RSF1: variants seen among roughly 807,000 people sequenced by gnomAD.
RSF1 encodes the protein HBV pX-associated protein 8.
In RSF1, 13 loss-of-function variants were observed where a neutral mutation model predicts 145.2. The observed-to-expected ratio is 0.09, with a 90% CI of 0.06 to 0.14. RSF1 has a LOEUF of 0.14. RSF1 is among the 10% of genes least tolerant of loss of function. The probability of loss-of-function intolerance (pLI) is 1.00; values close to 1 mark genes in which losing one functional copy is unlikely to be tolerated. For synonymous variants in RSF1, 577 were observed against 592.6 expected, an observed-to-expected ratio of 0.97 and a Z score of 0.38; for missense variants, 1,517 against 1,718.2, an observed-to-expected ratio of 0.88 and a Z score of 2.07.
chr11:77,824,459 C>T (rs960211466), upstream of RSF1, among the ~76,000 whole-genome samples: 3 of 152,076 alleles, frequency 2.0e-5, no homozygotes, highest in South Asian at 2.1e-4. Context: ...TTAGAATTAA[C>T]GGCTAATTTA....
intron 4 of RSF1, among the ~76,000 whole-genome samples, chr11:77,735,208 C>T (rs569676647): frequency 9.2e-5 from 14 of 152,062 alleles, no homozygotes; most frequent in Admixed American, 8.5e-4. Context: ...CAGGAAACCC[C>T]GACGACTCTC....
chr11:77,691,226 C>T lies in RSF1; in HGVS notation c.2833G>A (p.Glu945Lys). The change falls in exon 9 of 16, where the codon GAA becomes AAA. Residue 945 changes from glutamate to lysine, a missense_variant. Around this residue, in one of 12 missense-constraint regions of RSF1, gnomAD observed 29 missense variants for 102.3 expected, o/e 0.28. Transcript: ENST00000308488. ...CPPCQHKLLC[E>K]KLEEQLQDLD... ...TCCTGCAACTGTTCCTCTAATTTTT[C>T]ACAGAGCAGTTTCTGAAGAAGCAAA... is the stretch of plus-strand genomic sequence containing the variant. 2 of 1,614,116 alleles carry T rather than the reference C, an allele frequency of 1.2e-6. No individual in the cohort carries two copies. The highest frequency in any genetic ancestry group is 1.7e-6 in the Non-Finnish European group (2 of 1,180,006).
chr11:77,695,942 A>G (rs1426434546), intron 7 of RSF1, among the ~76,000 whole-genome samples: 1 of 152,026 alleles, frequency 6.6e-6, no homozygotes, highest in African/African-American at 2.4e-5. Flanking sequence ...TATTTGCTCA[A>G]CCCTAGTATA....
intron 1 of RSF1, among the ~76,000 whole-genome samples, chr11:77,787,238 G>A (rs1948465993): frequency 6.6e-6 from 1 of 152,126 alleles, no homozygotes; most frequent in Non-Finnish European, 1.5e-5. Flanking sequence ...CAGCAAGAAT[G>A]GAAAAGCTCA....
chr11:77,733,250 T>C lies in RSF1; in HGVS notation c.578+7481A>G, dbSNP rs1961252941. ...GTGCTGTAAGCCATTTTCGTTTTAC[T>C]AATTCTAATGGAAGTAAGGTAATAC... is the stretch of plus-strand genomic sequence containing the variant. On this transcript the variant is annotated intron_variant, in intron 4 of 15. Transcript: ENST00000308488. 7.2e-5 allele frequency among the ~76,000 whole-genome samples: 11 copies of C among 152,214 alleles called. No homozygotes were observed. The South Asian group carries it at 2.3e-3, about 31-fold the overall frequency.
Position 77,747,147 on chromosome 11 carries a change from A to G in RSF1, c.280-19T>C. ...GGCATATCTGTCAGATAAAGTTAAT[A>G]TCTTAATACATGAAAGCAATTTTTA... is the stretch of plus-strand genomic sequence containing the variant. On this transcript the variant is annotated intron_variant, in intron 2 of 15. Transcript: ENST00000308488. The G allele has an allele frequency of 6.6e-7, 1 of 1,505,780 alleles. No homozygotes were observed. The highest frequency in any genetic ancestry group is 9.2e-7 in the Non-Finnish European group (1 of 1,084,866). 93.3% of individuals were successfully genotyped at this position (1,505,780 alleles called of 1,614,324 possible).
chr11:77,737,835 A>G (rs567690928), intron 4 of RSF1, among the ~76,000 whole-genome samples: 74 of 152,326 alleles, frequency 4.9e-4, no homozygotes, highest in Admixed American at 3.9e-4. Flanking sequence ...GGTTGTAAGA[A>G]AAGCGAATAG....
intron 1 of RSF1, among the ~76,000 whole-genome samples, chr11:77,797,513 A>G (rs1000132470): frequency 1.3e-5 from 2 of 152,200 alleles, no homozygotes; most frequent in Non-Finnish European, 2.9e-5. Flanking sequence ...AAATCAACTC[A>G]AGATGGATCA....
the RSF1 span, among the ~76,000 whole-genome samples, chr11:77,840,252 C>T: frequency 3.3e-5 from 5 of 152,080 alleles, no homozygotes; most frequent in Non-Finnish European, 2.9e-5. Context: ...TTAAAAGTAT[C>T]TTTAAGTGGC....
intron 1 of RSF1, among the ~76,000 whole-genome samples, chr11:77,786,374 TA>T (rs1488551758): frequency 2.0e-5 from 3 of 152,226 alleles, no homozygotes; most frequent in Non-Finnish European, 2.9e-5. Context: ...CCAATTTTGG[TA>T]AATAAATGTA....
upstream of RSF1, among the ~76,000 whole-genome samples, chr11:77,822,414 CAAA>C (rs66463325): frequency 6.7e-5 from 5 of 74,782 alleles, no homozygotes; most frequent in African/African-American, 9.9e-5. Context: ...GACTCCACCT[CAAA>C]AAAAAAAAAA....
At chr11:77,677,053 C>T in intron 12 of RSF1, 54 bp from the exon 13 acceptor site, 1 of 1,368,484 alleles carries the variant, frequency 7.3e-7, no homozygotes, top group Non-Finnish European at 1.0e-6. Context: ...TTATTAAAAG[C>T]TTCCCTTTAA....
intron 6 of RSF1, 94 bp from the exon 7 acceptor site, chr11:77,698,787 C>T (rs10899399): frequency 0.22 from 228,925 of 1,018,418 alleles, 26,288 homozygotes; most frequent in Middle Eastern, 0.25. Context: ...AATATTCAGC[C>T]AATATACCAA....
chr11:77,728,541 G>C (rs1352825605), intron 4 of RSF1, among the ~76,000 whole-genome samples: 1 of 150,156 alleles, frequency 6.7e-6, no homozygotes, highest in Non-Finnish European at 1.5e-5. Context: ...AAAGGGGAAA[G>C]GGAAGAGGAA....
intron 2 of RSF1, chr11:77,763,370 C>G (rs1033342552): frequency 6.6e-6 from 1 of 151,148 alleles, no homozygotes; most frequent in Admixed American, 6.6e-5. Flanking sequence ...TTAAAAGAAG[C>G]CTTCAAGAAA....
At chr11:77,805,236 A>C (rs966066861) in intron 1 of RSF1, among the ~76,000 whole-genome samples, 14 of 152,156 alleles carry the variant, frequency 9.2e-5, no homozygotes, top group African/African-American at 3.1e-4. Context: ...TTGGAGGCTG[A>C]GGTGGGTGGA....
At chr11:77,864,822 T>G in the RSF1 span, among the ~76,000 whole-genome samples, 1 of 151,844 alleles carries the variant, frequency 6.6e-6, no homozygotes, top group African/African-American at 2.4e-5. Context: ...CTACAGAAAG[T>G]TAAAAAATTA....
chr11:77,721,699 T>A (rs758305596), intron 5 of RSF1, among the ~76,000 whole-genome samples: 32 of 152,234 alleles, frequency 2.1e-4, no homozygotes, highest in Non-Finnish European at 4.4e-5. Flanking sequence ...GGTTTATGTG[T>A]TACTGTTTTA....
chr11:77,700,619 T>C (rs1465367486), intron 6 of RSF1, 102 bp downstream of exon 6: 4 of 769,060 alleles, frequency 5.2e-6, no homozygotes, highest in Non-Finnish European at 8.0e-6. Flanking sequence ...GGAAGAAAGA[T>C]ACTTTGTCAG....
Sources: allele counts gnomAD v4.1 joint callset (sites outside exome capture counted in the v4.1 genomes callset), GRCh38; gene constraint gnomAD v4.1.1; regional missense constraint gnomAD v4.1.1; transcripts MANE v1.5; gene names NCBI Gene and HGNC (gene_info 2026-07-23, HGNC 2026-07-21).